ZNF536: variants seen among roughly 807,000 people sequenced by gnomAD.
ZNF536 encodes zinc finger protein 536.
ZNF536 carries 13 observed loss-of-function variants against 84.5 expected under a neutral mutation model. That is an observed-to-expected ratio of 0.15 (90% CI 0.10 to 0.24). The LOEUF (loss-of-function observed/expected upper bound fraction) is 0.24. Among genes scored for constraint, ZNF536 ranks in the 10% least tolerant of loss-of-function variants. The probability of loss-of-function intolerance (pLI) is 1.00; values close to 1 mark genes in which losing one functional copy is unlikely to be tolerated. For synonymous variants in ZNF536, 811 were observed against 742.5 expected (o/e 1.09, Z -1.50); for missense variants, 1,536 against 1,747.5 (o/e 0.88, Z 2.16).
chr19:30,646,158 C>T (rs940728091), intron 1 of ZNF536, among the ~76,000 whole-genome samples: 4 of 152,196 alleles, frequency 2.6e-5, no homozygotes, highest in African/African-American at 7.2e-5. Context: ...TTGTGTCTCA[C>T]GATTCCTCTC....
intron 1 of ZNF536, among the ~76,000 whole-genome samples, chr19:30,630,625 G>C (rs1184419857): frequency 6.6e-6 from 1 of 152,172 alleles, no homozygotes; most frequent in Non-Finnish European, 1.5e-5. Context: ...AAAATCCTCT[G>C]TTCTCCAGAA....
chr19:30,237,043 A>ATTTTTT (rs10629452), intron 1 of ZNF536, among the ~76,000 whole-genome samples: 2 of 147,632 alleles, frequency 1.4e-5, no homozygotes, highest in Non-Finnish European at 3.0e-5. Context: ...TTCTTGTGAG[A>ATTTTTT]TTTTTTTTTT....
intron 2 of ZNF536, among the ~76,000 whole-genome samples, chr19:30,530,331 TTTGTTGTTG>T (rs140017176): frequency 4.0e-5 from 6 of 151,422 alleles, no homozygotes; most frequent in African/African-American, 4.9e-5. Context: ...TCTCTGTCTT[TTTGTTGTTG>T]TTGTTGTTGT....
intron 1 of ZNF536, among the ~76,000 whole-genome samples, chr19:30,685,006 G>C (rs575571467): frequency 4.4e-4 from 67 of 152,344 alleles, no homozygotes; most frequent in African/African-American, 1.6e-3. Flanking sequence ...GGCCACGCAA[G>C]TGAATTGTAC....
At chr19:30,540,562 C>T (rs1455082918) in intron 3 of ZNF536, among the ~76,000 whole-genome samples, 3 of 152,158 alleles carry the variant, frequency 2.0e-5, no homozygotes, top group Non-Finnish European at 2.9e-5. Context: ...AGGCTCCATC[C>T]CCTGCCCCGC....
At chr19:30,227,632 G>C (rs896931171), upstream of ZNF536, among the ~76,000 whole-genome samples, 2 of 152,002 alleles carry the variant, frequency 1.3e-5, no homozygotes, top group Non-Finnish European at 2.9e-5. Context: ...TCGTGTGCGC[G>C]GGTGGGAGCC....
chr19:30,485,169 A>AATAAATAC lies in ZNF536; in HGVS notation c.2170+39440_2170+39441insAATACATA, dbSNP rs1555779938. Among the ~76,000 whole-genome samples, 10 of 150,574 alleles carry AATAAATAC rather than the reference A, an allele frequency of 6.6e-5. No individual in the cohort carries two copies. In the East Asian group the frequency reaches 1.2e-3, roughly 18 times the overall value. On this transcript the variant is annotated intron_variant, in intron 2 of 4. Transcript: ENST00000355537. ...AAAAACATAAATAAATAAATAAATA[A>AATAAATAC]ATACATAAATACATAAATAAAATAA...
intron 1 of ZNF536, among the ~76,000 whole-genome samples, chr19:30,414,173 TTTCAC>T (rs2050617013): frequency 6.6e-6 from 1 of 151,872 alleles, no homozygotes; most frequent in Admixed American, 6.6e-5. Context: ...GATACTACTA[TTTCAC>T]TACTTACTTT....
chr19:30,704,374 C>T (rs951652954), intron 1 of ZNF536, among the ~76,000 whole-genome samples: 2 of 152,076 alleles, frequency 1.3e-5, no homozygotes, highest in African/African-American at 4.8e-5. Context: ...GGGCTGGGCA[C>T]AGTGGTTCAC....
intron 2 of ZNF536, among the ~76,000 whole-genome samples, chr19:30,465,896 A>G (rs941675588): frequency 6.6e-6 from 1 of 151,692 alleles, no homozygotes; most frequent in Admixed American, 6.6e-5. Flanking sequence ...GACTACAGGC[A>G]CCCGCCACCA....
At chr19:30,599,156 A>G (rs1428677592) in intron 1 of ZNF536, among the ~76,000 whole-genome samples, 2 of 37,860 alleles carry the variant, frequency 5.3e-5, no homozygotes, top group Non-Finnish European at 1.0e-4. Flanking sequence ...TCCCTCCCTC[A>G]CCCTTCCCTC....
In ZNF536 at chr19:30,641,866, G is replaced by A. The variant is rs965037683; in HGVS notation, c.170-68891G>A. Among the ~76,000 whole-genome samples, 3 of 152,210 alleles carry A rather than the reference G, an allele frequency of 2.0e-5. No homozygotes were observed. In the East Asian group the frequency reaches 5.8e-4, roughly 29 times the overall value. The stretch of plus-strand genomic sequence containing the variant: ...AGACCTAGAGGATGGCAGTAGAGTG[G>A]GGCAAGTCCTTGAAGGTGTTTGAGG... On this transcript the variant is annotated intron_variant, in intron 1 of 1. Coordinates refer to the ZNF536 transcript ENST00000592773.
intron 1 of ZNF536, among the ~76,000 whole-genome samples, chr19:30,642,711 G>A (rs2049310313): frequency 6.6e-6 from 1 of 152,192 alleles, no homozygotes; most frequent in African/African-American, 2.4e-5. Context: ...AGGAGAGACT[G>A]TTGTGCTGCA....
intron 3 of ZNF536, among the ~76,000 whole-genome samples, chr19:30,365,568 G>A (rs2048401739): frequency 6.6e-6 from 1 of 152,304 alleles, no homozygotes; most frequent in East Asian, 1.9e-4. Flanking sequence ...CAAGGGCCAC[G>A]AAGCCCACGT....
At chr19:30,353,838 G>A (rs1422832735) in intron 3 of ZNF536, among the ~76,000 whole-genome samples, 1 of 152,202 alleles carries the variant, frequency 6.6e-6, no homozygotes, top group Non-Finnish European at 1.5e-5. Flanking sequence ...CATTGATGGT[G>A]AGGATTCTGC....
At chr19:30,321,064 C>A (rs1481008038) in intron 2 of ZNF536, among the ~76,000 whole-genome samples, 1 of 152,204 alleles carries the variant, frequency 6.6e-6, no homozygotes, top group Non-Finnish European at 1.5e-5. Flanking sequence ...GGCCCCCTCG[C>A]AGGCTCTGGC....
chr19:30,679,001 G>A (rs905483541), intron 1 of ZNF536, among the ~76,000 whole-genome samples: 6 of 151,990 alleles, frequency 3.9e-5, no homozygotes, highest in Admixed American at 1.3e-4. Flanking sequence ...AGTCCCCAGT[G>A]AATAGCTGCA....
At chr19:30,695,749 C>T (rs1299683790) in intron 1 of ZNF536, among the ~76,000 whole-genome samples, 1 of 152,088 alleles carries the variant, frequency 6.6e-6, no homozygotes, top group East Asian at 1.9e-4. Flanking sequence ...CTTTCTTCTG[C>T]CTGGAGAGGT....
chr19:30,583,744 G>A (rs7255007), intron 1 of ZNF536, among the ~76,000 whole-genome samples: 3 of 152,162 alleles, frequency 2.0e-5, no homozygotes, highest in Admixed American at 6.5e-5. Context: ...CACAGAGTAG[G>A]TCCTCAAGAT....
Sources: allele counts gnomAD v4.1 joint callset (sites outside exome capture counted in the v4.1 genomes callset), GRCh38; gene constraint gnomAD v4.1.1; transcripts MANE v1.5; gene names NCBI Gene and HGNC (gene_info 2026-07-23, HGNC 2026-07-21).